PDE10A: variants seen among roughly 807,000 people sequenced by gnomAD.
PDE10A encodes phosphodiesterase 10A.
A neutral mutation model predicts 97.7 loss-of-function variants in PDE10A; 39 were observed. That is an observed-to-expected ratio of 0.40 (90% CI 0.31 to 0.52). The LOEUF is 0.52. Among genes scored for constraint, PDE10A ranks in the 20% least tolerant of loss-of-function variants. The pLI is 0.56. For missense variants in PDE10A, 731 were observed against 1,047.8 expected, an observed-to-expected ratio of 0.70 and a Z score of 4.17; for synonymous variants, 371 against 376.8, an observed-to-expected ratio of 0.98 and a Z score of 0.18.
At chr6:165,872,647 C>A (rs1002850231) in intron 1 of PDE10A, among the ~76,000 whole-genome samples, 1 of 52,962 alleles carries the variant, frequency 1.9e-5, no homozygotes, top group Non-Finnish European at 3.8e-5. Context: ...ATGAGGGGAG[C>A]TGTGTTTTTT....
At chr6:165,830,494 A>G (rs181071568) in intron 1 of PDE10A, among the ~76,000 whole-genome samples, 1 of 151,296 alleles carries the variant, frequency 6.6e-6, no homozygotes, top group Admixed American at 6.6e-5. Flanking sequence ...TGGGGATCTT[A>G]GGTGGATTTT....
chr6:165,575,778 G>T (rs1425544241), intron 1 of PDE10A, among the ~76,000 whole-genome samples: 1 of 152,116 alleles, frequency 6.6e-6, no homozygotes, highest in Non-Finnish European at 1.5e-5. Context: ...CCCCATAACT[G>T]CACTAAAATC....
intron 1 of PDE10A, among the ~76,000 whole-genome samples, chr6:165,555,542 GA>G (rs1399444189): frequency 6.6e-6 from 1 of 152,126 alleles, no homozygotes; most frequent in African/African-American, 2.4e-5. Flanking sequence ...GATTGTAAGA[GA>G]AATGCCTTCC....
chr6:165,517,410 T>C (rs553508460), intron 2 of PDE10A, among the ~76,000 whole-genome samples: 2 of 152,266 alleles, frequency 1.3e-5, no homozygotes, highest in South Asian at 4.1e-4. Flanking sequence ...TTAAAGCAAT[T>C]AGGACCCAGT....
intron 1 of PDE10A, among the ~76,000 whole-genome samples, chr6:165,974,498 G>T (rs772512286): frequency 1.8e-4 from 27 of 152,160 alleles, no homozygotes; most frequent in Non-Finnish European, 3.2e-4. Context: ...GGCCTCCAAG[G>T]ATGCTTAAGG....
intron 9 of PDE10A, among the ~76,000 whole-genome samples, chr6:165,429,205 A>G (rs1318743114): frequency 3.9e-5 from 6 of 152,112 alleles, no homozygotes; most frequent in African/African-American, 1.4e-4. Context: ...AATACAAGTA[A>G]TGCTATGGAT....
chr6:165,575,175 TCTTTG>T, intron 1 of PDE10A, among the ~76,000 whole-genome samples: 1 of 152,156 alleles, frequency 6.6e-6, no homozygotes. Flanking sequence ...ACCACAGAAT[TCTTTG>T]CTTAGTCCCA....
At chr6:165,621,763 GAAA>G (rs1203283730) in intron 1 of PDE10A, among the ~76,000 whole-genome samples, 1 of 142,540 alleles carries the variant, frequency 7.0e-6, no homozygotes, top group African/African-American at 2.6e-5. Flanking sequence ...ATCTAAAAAA[GAAA>G]AAAAAAAGAA....
At chr6:165,888,395 T>C (rs6456025) in intron 1 of PDE10A, among the ~76,000 whole-genome samples, 37,864 of 151,608 alleles carry the variant, frequency 0.25, 5,556 homozygotes, top group African/African-American at 0.41. Context: ...AAGTGATTCC[T>C]CTGCCTCAGC....
chr6:165,818,171 G>A (rs763393136), intron 1 of PDE10A, among the ~76,000 whole-genome samples: 10 of 152,072 alleles, frequency 6.6e-5, no homozygotes, highest in Non-Finnish European at 1.3e-4. Flanking sequence ...TCATCTGCTC[G>A]CTCACTGTCA....
At chr6:165,349,738 G>A (rs1179465415) in intron 18 of PDE10A, among the ~76,000 whole-genome samples, 1 of 152,208 alleles carries the variant, frequency 6.6e-6, no homozygotes, top group African/African-American at 2.4e-5. Flanking sequence ...GCTCTATGCA[G>A]CCTTGGGACA....
intron 1 of PDE10A, among the ~76,000 whole-genome samples, chr6:165,747,228 G>A (rs1399307505): frequency 1.3e-5 from 2 of 152,086 alleles, no homozygotes; most frequent in Admixed American, 1.3e-4. Flanking sequence ...TTATTTTTAT[G>A]TAATTAAATC....
At chr6:165,421,066 G>A (rs774902698) in intron 10 of PDE10A, among the ~76,000 whole-genome samples, 1 of 152,180 alleles carries the variant, frequency 6.6e-6, no homozygotes, top group Non-Finnish European at 1.5e-5. Context: ...CTGTCCAGTA[G>A]CATAAAGTCT....
intron 1 of PDE10A, among the ~76,000 whole-genome samples, chr6:165,938,829 G>A (rs114427973): frequency 1.8e-3 from 277 of 152,228 alleles, no homozygotes; most frequent in African/African-American, 6.4e-3. Flanking sequence ...TGGAAGGGCA[G>A]CTTAAATGAA....
chr6:165,388,567 G>A lies in PDE10A; in HGVS notation c.2455-114C>T, dbSNP rs773487915. The A allele has an allele frequency of 1.0e-5, 9 of 872,246 alleles. No homozygotes were observed. Among genetic ancestry groups the A allele is most frequent in the Admixed American group, 7.7e-5 (4 of 52,040 alleles). The allele number at this position is 872,246 out of a possible 1,614,324, so 54.0% of individuals were successfully genotyped here. ...CTGGCATTAATATAGCACAAATACA[G>A]CATTCTGGCATAAAGAATCCTATAC... On this transcript the variant is annotated intron_variant, in intron 16 of 21. Coordinates refer to ENST00000539869, the MANE Select transcript of PDE10A (RefSeq NM_001385079.1). This position sits in a 1 kb window ranked among gnomAD's most constrained non-coding sequence, Gnocchi z 4.0.
At chr6:165,815,938 T>G (rs13213902) in intron 1 of PDE10A, among the ~76,000 whole-genome samples, 10,682 of 151,634 alleles carry the variant, frequency 0.07, 487 homozygotes, top group Non-Finnish European at 0.1. Context: ...TACTCCAGGC[T>G]CATATTTTCT....
At chr6:165,520,497 G>C (rs946410424) in intron 2 of PDE10A, among the ~76,000 whole-genome samples, 4 of 152,112 alleles carry the variant, frequency 2.6e-5, no homozygotes, top group Admixed American at 2.0e-4. Flanking sequence ...AGAGGGATGG[G>C]CATGAGGACA....
chr6:165,416,929 T>C (rs1343161403), intron 11 of PDE10A, among the ~76,000 whole-genome samples: 3 of 152,200 alleles, frequency 2.0e-5, no homozygotes, highest in Admixed American at 2.0e-4. Flanking sequence ...ATATCAGTAT[T>C]TTTCCTTTGC....
chr6:165,557,135 T>C (rs963781487), intron 1 of PDE10A, among the ~76,000 whole-genome samples: 16 of 151,346 alleles, frequency 1.1e-4, no homozygotes, highest in African/African-American at 3.2e-4. Context: ...CAAAACTCCA[T>C]GTCGAAAAAA....
Sources: gnomAD v4.1 joint callset for allele counts (sites outside exome capture counted in the v4.1 genomes callset) on GRCh38, gnomAD v4.1.1 for gene constraint, Gnocchi (gnomAD v3.1) non-coding constraint, MANE v1.5 for transcripts, NCBI Gene and HGNC (gene_info 2026-07-23, HGNC 2026-07-21) for gene names.